RPH3A: variants seen among roughly 807,000 people sequenced by gnomAD.
The protein encoded by RPH3A is rabphilin 3A, also known as rabphilin-3A.
Under a neutral mutation model 102.2 loss-of-function variants are expected in RPH3A, and 48 were observed. The observed-to-expected ratio is 0.47, with a 90% CI of 0.37 to 0.60. The LOEUF (loss-of-function observed/expected upper bound fraction) is 0.60, where lower values mean the gene tolerates loss of function less well. Ranked by LOEUF, RPH3A falls within the 20% of genes least tolerant of loss-of-function variation. The pLI is 0.00. For synonymous variants in RPH3A, 310 were observed against 324.3 expected (o/e 0.96, Z 0.47); for missense variants, 781 against 910.1 (o/e 0.86, Z 1.83).
intron 1 of RPH3A, among the ~76,000 whole-genome samples, chr12:112,709,850 C>G (rs186985285): frequency 1.3e-5 from 2 of 152,172 alleles, no homozygotes; most frequent in Non-Finnish European, 1.5e-5. Flanking sequence ...ATTATCCCCC[C>G]ACTTTACAGA....
At chr12:112,653,062 C>T (rs151072935) in intron 1 of RPH3A, among the ~76,000 whole-genome samples, 38 of 152,076 alleles carry the variant, frequency 2.5e-4, no homozygotes, top group African/African-American at 8.2e-4. Flanking sequence ...CTAAACATAT[C>T]TAAATAGAAA....
At position 112,876,562 on chromosome 12, in the gene RPH3A, A is replaced by G. The variant is rs2042800892; in HGVS notation, c.947-80A>G. ...ATTCCGGGTGAAGCCAGGAATCCGC[A>G]TCTTTTGAAAATGTCCCTAGGTGCT... On this transcript the variant is annotated intron_variant, in intron 12 of 21. Transcript: ENST00000389385. 9 of 1,026,808 alleles carry G rather than the reference A, an allele frequency of 8.8e-6. No individual in the cohort carries two copies. The South Asian group carries it at 1.6e-4, about 18-fold the overall frequency. The allele number at this position is 1,026,808 out of a possible 1,614,324, so 63.6% of individuals were successfully genotyped here. A position where few individuals can be genotyped will look rare whatever the true frequency, so the allele number is the denominator to read the frequency against.
chr12:112,590,665 A>C (rs1017203813), intron 1 of RPH3A, among the ~76,000 whole-genome samples: 1 of 152,234 alleles, frequency 6.6e-6, no homozygotes, highest in Non-Finnish European at 1.5e-5. Context: ...TGTTCAACCT[A>C]AAGTGTGTTT....
intron 1 of RPH3A, among the ~76,000 whole-genome samples, chr12:112,691,268 T>G (rs2040305225): frequency 6.6e-6 from 1 of 152,046 alleles, no homozygotes; most frequent in Non-Finnish European, 1.5e-5. Context: ...CGCCTCGGCC[T>G]CCCAAAGTGC....
intron 2 of RPH3A, among the ~76,000 whole-genome samples, chr12:112,794,217 C>T (rs1232022241): frequency 6.6e-6 from 1 of 152,234 alleles, no homozygotes; most frequent in South Asian, 2.1e-4. Flanking sequence ...CAGCTGTCTC[C>T]CCTTTCTGGG....
At chr12:112,685,224 A>T (rs2040255024) in intron 1 of RPH3A, among the ~76,000 whole-genome samples, 1 of 152,192 alleles carries the variant, frequency 6.6e-6, no homozygotes, top group Non-Finnish European at 1.5e-5. Context: ...GGCATAAGCC[A>T]TTGCACCTGG....
At chr12:112,770,363 T>TTTGTTTTTG (rs2040919518) in intron 1 of RPH3A, among the ~76,000 whole-genome samples, 1 of 152,138 alleles carries the variant, frequency 6.6e-6, no homozygotes, top group Non-Finnish European at 1.5e-5. Flanking sequence ...TTTTGTTTTT[T>TTTGTTTTTG]GAGACAGGTT....
rs1349198096 is a variant in RPH3A, at chr12:112,875,188, G to A, written c.883+18G>A. On this transcript the variant is annotated intron_variant, in intron 11 of 21. Coordinates refer to ENST00000389385, the MANE Select transcript of RPH3A (RefSeq NM_001143854.2). ...GCAGCCAGGTACCTGCCACTCACCT[G>A]CTAGCACCTGCCCAGGCTGTCACTC... 2 of 1,575,142 alleles carry A rather than the reference G, an allele frequency of 1.3e-6. No homozygotes were observed. The highest frequency in any genetic ancestry group is 1.7e-6 in the Non-Finnish European group (2 of 1,157,828).
chr12:112,615,264 C>T (rs529537424), intron 1 of RPH3A, among the ~76,000 whole-genome samples: 11 of 152,232 alleles, frequency 7.2e-5, no homozygotes, highest in African/African-American at 1.2e-4. Flanking sequence ...TGCAGACCCT[C>T]GCAAAACTAC....
chr12:112,666,610 T>C (rs1194400786), intron 1 of RPH3A, among the ~76,000 whole-genome samples: 2 of 152,138 alleles, frequency 1.3e-5, no homozygotes, highest in Non-Finnish European at 2.9e-5. Flanking sequence ...AGTTTTTTTC[T>C]GGTCAAAGCA....
At chr12:112,875,900 C>T (rs1476369321) in intron 12 of RPH3A, among the ~76,000 whole-genome samples, 159 bp downstream of exon 12, 1 of 152,154 alleles carries the variant, frequency 6.6e-6, no homozygotes, top group Non-Finnish European at 1.5e-5. Context: ...TTAGATAGTC[C>T]GTACTAAGAT....
chr12:112,792,662 C>G (rs1003718799), intron 2 of RPH3A, among the ~76,000 whole-genome samples: 2 of 152,146 alleles, frequency 1.3e-5, no homozygotes, highest in Admixed American at 6.5e-5. Context: ...GAGTGCTTAT[C>G]CCTGGAGGGG....
At chr12:112,678,231 TCGAAAGAAAGAAAGAAAGAA>T in intron 1 of RPH3A, among the ~76,000 whole-genome samples, 1 of 113,530 alleles carries the variant, frequency 8.8e-6, no homozygotes, top group Non-Finnish European at 1.7e-5. Context: ...CAAGACCCTG[TCGAAAGAAAGAAAGAAAGAA>T]AGAAAGAAAG....
At chr12:112,713,047 T>C (rs936171825) in intron 1 of RPH3A, among the ~76,000 whole-genome samples, 2 of 74,578 alleles carry the variant, frequency 2.7e-5, no homozygotes, top group African/African-American at 1.3e-4. Context: ...CTTCTTCTTC[T>C]TCTCCTTCTT....
At chr12:112,629,394 CT>C (rs34209596) in intron 1 of RPH3A, among the ~76,000 whole-genome samples, 112,471 of 134,320 alleles carry the variant, frequency 0.84, 46,824 homozygotes, top group African/African-American at 0.92. Flanking sequence ...CTGATGTTTG[CT>C]TTTTTTTTTT....
chr12:112,697,757 C>G (rs2040362485), intron 1 of RPH3A, among the ~76,000 whole-genome samples: 1 of 151,962 alleles, frequency 6.6e-6, no homozygotes, highest in African/African-American at 2.4e-5. Flanking sequence ...CCTGGCTACT[C>G]GGGAGGCTGA....
rs1555209153 is a variant in RPH3A, at chr12:112,791,867, G to GGAGAGAGAGCGAGAGAGAGAGAGAGAGA, written c.-276_-275insCGAGAGAGAGAGAGAGAGAGAGAGAGAG. 11 of 48,484 alleles carry GGAGAGAGAGCGAGAGAGAGAGAGAGAGA rather than the reference G, an allele frequency of 2.3e-4. No individual in the cohort carries two copies. The highest frequency in any genetic ancestry group is 1.1e-3 in the African/African-American group (11 of 10,408). The allele number at this position is 48,484 out of a possible 1,614,324, so 3.0% of individuals were successfully genotyped here. On this transcript the variant is annotated 5_prime_UTR_variant, in exon 1 of 22. Transcript: ENST00000389385. ...CGCGGACTGGAAAGGAAGGGAGAAG[G>GGAGAGAGAGCGAGAGAGAGAGAGAGAGA]GAGAGAGAGAGAGAGAGAGAGAGAG...
At chr12:112,795,663 G>A (rs1376550007) in intron 2 of RPH3A, among the ~76,000 whole-genome samples, 2 of 152,136 alleles carry the variant, frequency 1.3e-5, no homozygotes, top group Admixed American at 1.3e-4. Flanking sequence ...GTGTATTAGG[G>A]TAGCATGATA....
At chr12:112,698,100 A>G (rs2040365219) in intron 1 of RPH3A, among the ~76,000 whole-genome samples, 1 of 152,382 alleles carries the variant, frequency 6.6e-6, no homozygotes, top group South Asian at 2.1e-4. Flanking sequence ...ATTGAGAAAT[A>G]GACCCGCACA....
Sources: allele counts gnomAD v4.1 joint callset (sites outside exome capture counted in the v4.1 genomes callset), GRCh38; gene constraint gnomAD v4.1.1; transcripts MANE v1.5; gene names NCBI Gene and HGNC (gene_info 2026-07-23, HGNC 2026-07-21).